AJAP1: variants seen among roughly 807,000 people sequenced by gnomAD.
The protein encoded by AJAP1 is adherens junction-associated protein 1.
Under a neutral mutation model 35.0 loss-of-function variants are expected in AJAP1, and 5 were observed. The ratio of observed to expected loss-of-function variants is 0.14; its 90% CI spans 0.07 to 0.30. The LOEUF is 0.30. Ranked by LOEUF, AJAP1 falls within the 10% of genes least tolerant of loss-of-function variation. The pLI, the probability that AJAP1 is intolerant of heterozygous loss-of-function variation, is 1.00. For missense variants in AJAP1, 586 were observed against 571.0 expected, an observed-to-expected ratio of 1.03 and a Z score of -0.27; for synonymous variants, 284 against 249.3, an observed-to-expected ratio of 1.14 and a Z score of -1.31.
rs1279900965 is a variant in AJAP1, at chr1:4,785,878, CT to C, written c.*3394del. The C allele has an allele frequency of 6.6e-6, 1 of 152,220 alleles. No homozygotes were observed. Among genetic ancestry groups the C allele is most frequent in the African/African-American group, 2.4e-5 (1 of 41,456 alleles). 9.4% of individuals were successfully genotyped at this position (152,220 alleles called of 1,614,324 possible). On this transcript the variant is annotated 3_prime_UTR_variant, in exon 6 of 6. Transcript: ENST00000378191. ...CGGAGATCCCGCAATTGCAAACCCC[CT>C]GGCAGCCTCCTGGCACCTGCATTTG...
chr1:4,719,624 G>A (rs1245924657), intron 2 of AJAP1, among the ~76,000 whole-genome samples: 1 of 152,120 alleles, frequency 6.6e-6, no homozygotes, highest in Non-Finnish European at 1.5e-5. Flanking sequence ...GCCAGGCCAG[G>A]CCTCCACCTC....
chr1:4,660,635 T>C (rs960717424), intron 1 of AJAP1, among the ~76,000 whole-genome samples: 1 of 152,076 alleles, frequency 6.6e-6, no homozygotes, highest in African/African-American at 2.4e-5. Context: ...TGGGCACACG[T>C]GTGTGTATGT....
At chr1:4,752,869 A>G (rs1641349536) in intron 2 of AJAP1, among the ~76,000 whole-genome samples, 1 of 152,222 alleles carries the variant, frequency 6.6e-6, no homozygotes, top group Admixed American at 6.5e-5. Flanking sequence ...TCTAGGGAAA[A>G]GGAGGCCTTG....
chr1:4,780,772 C>T (rs556294479), intron 5 of AJAP1, among the ~76,000 whole-genome samples: 3 of 151,998 alleles, frequency 2.0e-5, no homozygotes, highest in South Asian at 2.1e-4. Context: ...GCTGGGATTA[C>T]AGGTGTGCGC....
At chr1:4,772,083 ATTTTTT>A (rs111647192) in intron 3 of AJAP1, among the ~76,000 whole-genome samples, 191 bp from the exon 4 acceptor site, 59 of 149,368 alleles carry the variant, frequency 3.9e-4, no homozygotes, top group South Asian at 1.3e-3. Context: ...TTCAAATTTC[ATTTTTT>A]TTTTTTAAAA....
At chr1:4,751,155 C>T (rs1236215671) in intron 2 of AJAP1, among the ~76,000 whole-genome samples, 1 of 152,064 alleles carries the variant, frequency 6.6e-6, no homozygotes, top group Non-Finnish European at 1.5e-5. Context: ...TCCTCCAGAC[C>T]ACCCATTTCT....
At chr1:4,775,681 C>T (rs550036508) in intron 5 of AJAP1, among the ~76,000 whole-genome samples, 4 of 152,344 alleles carry the variant, frequency 2.6e-5, no homozygotes, top group African/African-American at 9.6e-5. Context: ...CCAGCCCTCA[C>T]TCCCTACCCC....
rs1223624114 is a variant in AJAP1, at chr1:4,788,110, G to A, written c.*5625G>A. On this transcript the variant is annotated 3_prime_UTR_variant, in exon 6 of 6. Coordinates refer to ENST00000378191, the MANE Select transcript of AJAP1 (RefSeq NM_018836.4). ...CCCACTTATTGTACATTGATGTGCC[G>A]CCTGCTAGGAAGATAAACTCCCTCT... 5.6e-5 allele frequency: 12 copies of A among 213,812 alleles called. No homozygotes were observed. Among genetic ancestry groups the A allele is most frequent in the East Asian group, 3.3e-4 (2 of 6,152 alleles). 13.2% of individuals were successfully genotyped at this position (213,812 alleles called of 1,614,324 possible).
At chr1:4,747,414 G>A (rs1641213999) in intron 2 of AJAP1, among the ~76,000 whole-genome samples, 1 of 152,142 alleles carries the variant, frequency 6.6e-6, no homozygotes, top group South Asian at 2.1e-4. Context: ...TTGCAGACCG[G>A]GTTGGCCAGG....
rs1434398680 is a variant in AJAP1 at position 4,655,569 on chromosome 1, G to C, written c.29+115G>C. 7.5e-7 allele frequency: 1 copy of C among 1,333,810 alleles called. No homozygotes were observed. The highest frequency in any genetic ancestry group is 1.0e-6 in the Non-Finnish European group (1 of 984,832). The allele number at this position is 1,333,810 out of a possible 1,614,324, so 82.6% of individuals were successfully genotyped here. A position where few individuals can be genotyped will look rare whatever the true frequency, so the allele number is the denominator to read the frequency against. On this transcript the variant is annotated intron_variant, in intron 1 of 5. Transcript: ENST00000378191. This position sits in a 1 kb window ranked among gnomAD's most constrained non-coding sequence, Gnocchi z 6.9. Reference sequence around the variant, plus strand: ...GGACCCCTCTTCGCTTCCCGCAAGCGGGCAACGGGGTGCACCGGTAGCCGG... The same window carrying C: ...GGACCCCTCTTCGCTTCCCGCAAGCCGGCAACGGGGTGCACCGGTAGCCGG...
intron 2 of AJAP1, among the ~76,000 whole-genome samples, chr1:4,729,665 G>A (rs904898956): frequency 1.4e-4 from 20 of 142,112 alleles, no homozygotes; most frequent in Admixed American, 5.1e-4. Context: ...GAGGACAGCC[G>A]TCCTATTGGA....
chr1:4,705,978 G>A (rs1424042323), intron 1 of AJAP1, among the ~76,000 whole-genome samples: 1 of 152,232 alleles, frequency 6.6e-6, no homozygotes, highest in African/African-American at 2.4e-5. Flanking sequence ...GGAAACTGGA[G>A]ATGAGTTCCC....
At chr1:4,671,386 A>G (rs1639244874) in intron 1 of AJAP1, among the ~76,000 whole-genome samples, 1 of 139,812 alleles carries the variant, frequency 7.2e-6, no homozygotes, top group Admixed American at 7.4e-5. Context: ...AAAAAAAAAG[A>G]ATGGCAGCTG....
At chr1:4,771,403 C>G (rs1205553589) in intron 3 of AJAP1, among the ~76,000 whole-genome samples, 2 of 152,306 alleles carry the variant, frequency 1.3e-5, no homozygotes, top group Admixed American at 1.3e-4. Context: ...CCCTTGCCTT[C>G]GTGCAGCCCC....
intron 2 of AJAP1, among the ~76,000 whole-genome samples, chr1:4,721,392 T>G (rs1020941008): frequency 6.6e-6 from 1 of 152,190 alleles, no homozygotes; most frequent in Non-Finnish European, 1.5e-5. Flanking sequence ...AGGCCACTGA[T>G]CAAAGAAGAT....
intron 1 of AJAP1, among the ~76,000 whole-genome samples, chr1:4,671,045 T>G (rs1639237032): frequency 6.6e-6 from 1 of 152,188 alleles, no homozygotes; most frequent in Non-Finnish European, 1.5e-5. Flanking sequence ...CATAGGTGAT[T>G]GTAATAGGCG....
chr1:4,655,965 C>T lies in AJAP1; in HGVS notation c.29+511C>T, dbSNP rs571152252. Among the ~76,000 whole-genome samples, 93 of 152,162 alleles carry T rather than the reference C, an allele frequency of 6.1e-4. No individual in the cohort carries two copies. The highest frequency in any genetic ancestry group is 2.0e-3 in the African/African-American group (84 of 41,550). ...CTTCTCCTTTCTCGGGGCCCCGGGG[C>T]TGAGCAGGGGCCTCCCAGGCTCCCA... On this transcript the variant is annotated intron_variant, in intron 1 of 5. Coordinates refer to ENST00000378191, the MANE Select transcript of AJAP1 (RefSeq NM_018836.4). This position sits in a 1 kb window ranked among gnomAD's most constrained non-coding sequence, Gnocchi z 6.9.
intron 2 of AJAP1, among the ~76,000 whole-genome samples, chr1:4,713,189 G>T (rs1557622186): frequency 6.6e-6 from 1 of 152,240 alleles, no homozygotes; most frequent in Non-Finnish European, 1.5e-5. Context: ...CAGGGTGCCT[G>T]CCAACTTGAC....
At position 4,783,477 on chromosome 1, in the gene AJAP1, A is replaced by G. The variant is rs979778511; in HGVS notation, c.*992A>G. 103 of 37,842 alleles carry G rather than the reference A, an allele frequency of 2.7e-3. 1 individual carries two copies. Among genetic ancestry groups the G allele is most frequent in the East Asian group, 0.02 (18 of 908 alleles). The allele number at this position is 37,842 out of a possible 1,614,324, so 2.3% of individuals were successfully genotyped here. A position where few individuals can be genotyped will look rare whatever the true frequency, so the allele number is the denominator to read the frequency against. On this transcript the variant is annotated 3_prime_UTR_variant, in exon 6 of 6. Coordinates refer to ENST00000378191, the MANE Select transcript of AJAP1 (RefSeq NM_018836.4). ...AGGTTTTATATATGTGTGTGTATAT[A>G]TATATATATATATATATATATATAT... is the stretch of plus-strand genomic sequence containing the variant.
Sources: gnomAD v4.1 joint callset for allele counts (sites outside exome capture counted in the v4.1 genomes callset) on GRCh38, gnomAD v4.1.1 for gene constraint, Gnocchi (gnomAD v3.1) non-coding constraint, MANE v1.5 for transcripts, NCBI Gene and HGNC (gene_info 2026-07-23, HGNC 2026-07-21) for gene names.